TSPAN9: variants seen among roughly 807,000 people sequenced by gnomAD.
TSPAN9 encodes the protein tetraspanin 9.
Under a neutral mutation model 31.0 loss-of-function variants are expected in TSPAN9, and 16 were observed. That is an observed-to-expected ratio of 0.52 (90% CI 0.35 to 0.78). The LOEUF (loss-of-function observed/expected upper bound fraction) is 0.78. TSPAN9 is among the 30% of genes least tolerant of loss of function. The probability of loss-of-function intolerance (pLI) is 0.01; values close to 1 mark genes in which losing one functional copy is unlikely to be tolerated. For missense variants in TSPAN9, 272 were observed against 312.5 expected, an observed-to-expected ratio of 0.87 and a Z score of 0.98; for synonymous variants, 145 against 121.6, an observed-to-expected ratio of 1.19 and a Z score of -1.27.
At chr12:3,135,361 C>T (rs1474046619) in intron 2 of TSPAN9, among the ~76,000 whole-genome samples, 3 of 152,200 alleles carry the variant, frequency 2.0e-5, no homozygotes, top group South Asian at 2.1e-4. Flanking sequence ...GCTGGGATTA[C>T]AGGAGCGAGC....
At chr12:3,202,146 G>C (rs1490955486) in intron 3 of TSPAN9, among the ~76,000 whole-genome samples, 8 of 152,220 alleles carry the variant, frequency 5.3e-5, no homozygotes, top group Admixed American at 5.2e-4. Context: ...AGAAATACTG[G>C]TTAGGAACAT....
At chr12:3,184,380 AGAGT>A (rs1265869917) in intron 2 of TSPAN9, among the ~76,000 whole-genome samples, 1 of 152,068 alleles carries the variant, frequency 6.6e-6, no homozygotes, top group East Asian at 1.9e-4. Context: ...CCTGGGTGAC[AGAGT>A]GAGACCCTAT....
chr12:3,107,971 C>CA lies in TSPAN9; in HGVS notation c.-18+24256dup, dbSNP rs376848999. 6.6e-6 allele frequency among the ~76,000 whole-genome samples: 1 copy of CA among 152,268 alleles called. No individual in the cohort carries two copies. Among genetic ancestry groups the CA allele is most frequent in the Admixed American group, 6.5e-5 (1 of 15,296 alleles). ...TTCCTAAACCCAGTAAGAAACTCCC[C>CA]AAAACCTCCATACCTGATCCTCACA... On this transcript the variant is annotated intron_variant, in intron 2 of 8. Transcript: ENST00000011898. The surrounding 1 kb of genome is among the most constrained non-coding windows in gnomAD (Gnocchi z 4.1).
At chr12:3,256,598 C>T (rs1862350819) in intron 3 of TSPAN9, among the ~76,000 whole-genome samples, 2 of 152,212 alleles carry the variant, frequency 1.3e-5, no homozygotes, top group Admixed American at 1.3e-4. Context: ...TAAATTCGGC[C>T]TTGTTGGCTG....
chr12:3,144,261 C>T (rs11062528), intron 2 of TSPAN9, among the ~76,000 whole-genome samples: 7,205 of 152,092 alleles, frequency 0.047, 201 homozygotes, highest in East Asian at 0.14. Flanking sequence ...CCACCACGCC[C>T]GGCTAATTTT....
chr12:3,146,496 A>G (rs1382566869), intron 2 of TSPAN9, among the ~76,000 whole-genome samples: 3 of 152,244 alleles, frequency 2.0e-5, no homozygotes, highest in Admixed American at 2.0e-4. Flanking sequence ...TGCACGAGAC[A>G]GACAAGGTCC....
intron 3 of TSPAN9, among the ~76,000 whole-genome samples, chr12:3,228,393 AC>A (rs1190878489): frequency 2.6e-5 from 4 of 152,182 alleles, no homozygotes; most frequent in African/African-American, 7.2e-5. Context: ...AGCTCTCCTC[AC>A]ATCCTGCTTT....
intron 3 of TSPAN9, among the ~76,000 whole-genome samples, chr12:3,253,504 T>A (rs1862291487): frequency 6.6e-6 from 1 of 152,052 alleles, no homozygotes; most frequent in Non-Finnish European, 1.5e-5. Flanking sequence ...AGATAGTTGG[T>A]GGAAAGGAAG....
Position 3,283,355 on chromosome 12 carries a change from A to C in TSPAN9, c.*239A>C. ...TGGATTCCTGCATCTGCATATGCGTATTTGCCAAAGACGACAGGGTGGGCT... is the reference window on the plus strand; with the variant it reads ...TGGATTCCTGCATCTGCATATGCGTCTTTGCCAAAGACGACAGGGTGGGCT... On this transcript the variant is annotated 3_prime_UTR_variant, in exon 9 of 9. Transcript: ENST00000011898. 4.1e-6 allele frequency: 2 copies of C among 491,866 alleles called. No individual in the cohort carries two copies. The highest frequency in any genetic ancestry group is 3.6e-6 in the Non-Finnish European group (1 of 279,394). The allele number at this position is 491,866 out of a possible 1,614,324, so 30.5% of individuals were successfully genotyped here.
At position 3,090,634 on chromosome 12, in the gene TSPAN9, C is replaced by T. The variant is rs79374562; in HGVS notation, c.-18+6915C>T. ...GCAAGTCATGGGACCAGCAGAACTCCAGGGGCGGGCAGACTCCACCTCTTG... is the reference window on the plus strand; with the variant it reads ...GCAAGTCATGGGACCAGCAGAACTCTAGGGGCGGGCAGACTCCACCTCTTG... On this transcript the variant is annotated intron_variant, in intron 2 of 8. Coordinates refer to ENST00000011898, the MANE Select transcript of TSPAN9 (RefSeq NM_006675.5). Among the ~76,000 whole-genome samples, 332 of 152,342 alleles carry T rather than the reference C, an allele frequency of 2.2e-3. 7 individuals carry two copies. In the East Asian group the frequency reaches 0.039, roughly 18 times the overall value.
At chr12:3,267,086 G>T (rs971855586) in intron 3 of TSPAN9, among the ~76,000 whole-genome samples, 1 of 152,194 alleles carries the variant, frequency 6.6e-6, no homozygotes, top group Non-Finnish European at 1.5e-5. Flanking sequence ...CAGTCATGAA[G>T]TCTTCACTGT....
At chr12:3,133,986 G>T (rs1031182037) in intron 2 of TSPAN9, among the ~76,000 whole-genome samples, 2 of 152,156 alleles carry the variant, frequency 1.3e-5, no homozygotes, top group Non-Finnish European at 2.9e-5. Context: ...CAGGGTCAGC[G>T]CTTAGGGCTG....
intron 3 of TSPAN9, among the ~76,000 whole-genome samples, chr12:3,235,076 A>C (rs2098392661): frequency 6.9e-6 from 1 of 144,022 alleles, no homozygotes; most frequent in African/African-American, 2.6e-5. Context: ...CTGAGGCGGG[A>C]GAATGACGTG....
intron 3 of TSPAN9, among the ~76,000 whole-genome samples, chr12:3,207,313 G>C (rs60273679): frequency 0.03 from 4,638 of 152,180 alleles, 252 homozygotes; most frequent in African/African-American, 0.11. Context: ...CTCCCATCCA[G>C]CTGTGATATG....
rs527702357 is a variant in TSPAN9, at chr12:3,129,805, T to C, written c.-18+46086T>C. ...CTTGCTGGGCAGCTCAAGGGTAGGA[T>C]GAACGGTTCCTGCCGTGTGGAGTGG... On this transcript the variant is annotated intron_variant, in intron 2 of 8. Transcript: ENST00000011898. Among the ~76,000 whole-genome samples the C allele has an allele frequency of 1.3e-4, 20 of 152,294 alleles. 1 individual carries two copies. The highest frequency in any genetic ancestry group is 6.8e-3 in the Middle Eastern group (2 of 294).
intron 2 of TSPAN9, among the ~76,000 whole-genome samples, chr12:3,146,074 C>T (rs924656460): frequency 6.6e-6 from 1 of 152,244 alleles, no homozygotes; most frequent in African/African-American, 2.4e-5. Flanking sequence ...TGTGAGCTCC[C>T]CCGGCAAGCC....
intron 3 of TSPAN9, among the ~76,000 whole-genome samples, chr12:3,220,592 G>T (rs1037204818): frequency 1.3e-5 from 2 of 152,238 alleles, no homozygotes; most frequent in African/African-American, 2.4e-5. Flanking sequence ...GCATGGGAGA[G>T]GTCTGCAGAG....
chr12:3,096,703 T>C (rs936315597), intron 2 of TSPAN9, among the ~76,000 whole-genome samples: 6 of 151,788 alleles, frequency 4.0e-5, no homozygotes, highest in East Asian at 1.9e-4. Context: ...TTCTTTCTTT[T>C]TTTTTTTATT....
At chr12:3,206,889 G>A (rs1445503953) in intron 3 of TSPAN9, among the ~76,000 whole-genome samples, 2 of 152,204 alleles carry the variant, frequency 1.3e-5, no homozygotes, top group African/African-American at 2.4e-5. Flanking sequence ...AGGATGAATA[G>A]GAGCTTGCTG....
Sources: gnomAD v4.1 joint callset for allele counts (sites outside exome capture counted in the v4.1 genomes callset) on GRCh38, gnomAD v4.1.1 for gene constraint, Gnocchi (gnomAD v3.1) non-coding constraint, MANE v1.5 for transcripts, NCBI Gene and HGNC (gene_info 2026-07-23, HGNC 2026-07-21) for gene names.